Variants in CHL1 observed in about 807,000 individuals in gnomAD.
The protein encoded by CHL1 is neural cell adhesion molecule L1-like protein.
In CHL1, 96 loss-of-function variants were observed where a neutral mutation model predicts 141.9. The ratio of observed to expected loss-of-function variants is 0.68; its 90% confidence interval spans 0.57 to 0.80. CHL1 has a LOEUF of 0.80. CHL1 is among the 30% of genes least tolerant of loss of function. The pLI is 0.00. For missense variants in CHL1, 1,820 were observed against 1,457.2 expected (o/e 1.25, Z -4.05); for synonymous variants, 613 against 502.2 (o/e 1.22, Z -2.95).
chr3:286,712 T>C (rs1444236859), intron 2 of CHL1, among the ~76,000 whole-genome samples: 2 of 152,140 alleles, frequency 1.3e-5, no homozygotes, highest in African/African-American at 4.8e-5. Context: ...CTTATACTTA[T>C]TGTTACTTAT....
intron 1 of CHL1, among the ~76,000 whole-genome samples, chr3:229,194 T>A (rs1043084748): frequency 2.0e-5 from 3 of 152,244 alleles, no homozygotes; most frequent in African/African-American, 7.2e-5. Flanking sequence ...AATTATAATT[T>A]CTGCTAGCAT....
intron 1 of CHL1, among the ~76,000 whole-genome samples, chr3:207,936 TTC>T: frequency 6.6e-6 from 1 of 152,194 alleles, no homozygotes; most frequent in Non-Finnish European, 1.5e-5. Context: ...TCATGCACAC[TTC>T]TGAGTCAAGT....
intron 2 of CHL1, among the ~76,000 whole-genome samples, chr3:290,558 C>G: frequency 6.6e-6 from 1 of 152,094 alleles, no homozygotes; most frequent in East Asian, 1.9e-4. Flanking sequence ...ATGACAAATT[C>G]TAATTAGTCA....
chr3:341,442 T>G (rs1226218953), intron 6 of CHL1, among the ~76,000 whole-genome samples: 1 of 152,178 alleles, frequency 6.6e-6, no homozygotes, highest in Non-Finnish European at 1.5e-5. Context: ...TCAGTTCCCC[T>G]AGAACCTTCC....
rs1707186778 is a variant in CHL1 at position 382,658 on chromosome 3, A to G, written c.2163A>G (p.Glu721=). ...CTAGCCAGCCGTCAGACCATCATGA[A>G]ACACCACCAGCAGGTATGCAGGTTC... ...SQPSQPSDHH[E]TPPAAPDRNP... The change falls in exon 18 of 28, where the codon GAA becomes GAG. Residue 721 remains glutamate, a synonymous_variant. Transcript: ENST00000256509. 1 of 1,613,556 alleles carries G rather than the reference A, an allele frequency of 6.2e-7. No individual in the cohort carries two copies. The highest frequency in any genetic ancestry group is 1.1e-5 in the South Asian group (1 of 91,074).
In CHL1 at chr3:406,456, T is replaced by C. The variant is rs1709539461; in HGVS notation, c.*745T>C. On this transcript the variant is annotated 3_prime_UTR_variant, in exon 28 of 28. Coordinates refer to ENST00000256509, the MANE Select transcript of CHL1 (RefSeq NM_006614.4). ...CTGCATGGAAGCGGTGGTCAGAAGG[T>C]TGTTTTATACGAGAACAGGCAGAAA... 6.6e-6 allele frequency: 1 copy of C among 151,778 alleles called. No homozygotes were observed. Among genetic ancestry groups the C allele is most frequent in the African/African-American group, 2.4e-5 (1 of 41,324 alleles). 9.4% of individuals were successfully genotyped at this position (151,778 alleles called of 1,614,324 possible). A position where few individuals can be genotyped will look rare whatever the true frequency, so the allele number is the denominator to read the frequency against.
rs1708509960 is a variant in CHL1, at chr3:394,555, T to C, written c.2915-138T>C. ...AGTCATAGTAGTTGTATGTACCTCATAGGATTAAATGAGTTGATGGTTATG... is the reference window on the plus strand; with the variant it reads ...AGTCATAGTAGTTGTATGTACCTCACAGGATTAAATGAGTTGATGGTTATG... On this transcript the variant is annotated intron_variant, in intron 23 of 27. Transcript: ENST00000256509. 5 of 647,292 alleles carry C rather than the reference T, an allele frequency of 7.7e-6. No homozygotes were observed. The East Asian group carries it at 1.4e-4, about 18-fold the overall frequency. 40.1% of individuals were successfully genotyped at this position (647,292 alleles called of 1,614,324 possible). A position where few individuals can be genotyped will look rare whatever the true frequency, so the allele number is the denominator to read the frequency against.
chr3:231,575 CTTTTTTTTT>C (rs5845954), intron 1 of CHL1, among the ~76,000 whole-genome samples: 7 of 100,558 alleles, frequency 7.0e-5, no homozygotes, highest in Non-Finnish European at 1.2e-4. Context: ...TTATTTCTTC[CTTTTTTTTT>C]TTTTTTTTTT....
chr3:279,020 A>T (rs1236836087), intron 2 of CHL1, among the ~76,000 whole-genome samples: 1 of 152,172 alleles, frequency 6.6e-6, no homozygotes, highest in African/African-American at 2.4e-5. Flanking sequence ...TAGTATTCTA[A>T]TGGGGACGCA....
rs372305975 is a variant in CHL1 at position 219,419 on chromosome 3, A to C, written c.-175+22356A>C. 3.9e-5 allele frequency among the ~76,000 whole-genome samples: 6 copies of C among 152,286 alleles called. No individual in the cohort carries two copies. The East Asian group carries it at 9.6e-4, about 24-fold the overall frequency. ...CACTATTCACAATAGCAAAGACATA[A>C]AATCAACCTAAATGCCCATCAATGA... On this transcript the variant is annotated intron_variant, in intron 1 of 27. Transcript: ENST00000256509.
intron 9 of CHL1, among the ~76,000 whole-genome samples, chr3:348,610 G>T (rs976659686): frequency 6.6e-6 from 1 of 152,216 alleles, no homozygotes; most frequent in East Asian, 1.9e-4. Flanking sequence ...GGTGGGGAAA[G>T]TTATCATGCT....
intron 3 of CHL1, among the ~76,000 whole-genome samples, chr3:322,648 AT>A (rs1559252741): frequency 2.2e-5 from 1 of 45,520 alleles, no homozygotes; most frequent in East Asian, 5.8e-4. Flanking sequence ...TATATAAAAT[AT>A]ATATATATAT....
At chr3:292,092 G>T (rs560040922) in intron 2 of CHL1, among the ~76,000 whole-genome samples, 3 of 152,318 alleles carry the variant, frequency 2.0e-5, no homozygotes, top group South Asian at 2.1e-4. Flanking sequence ...CTTGTTCTTT[G>T]CTGCTCTGTA....
At chr3:249,068 A>C (rs1693442519) in intron 2 of CHL1, among the ~76,000 whole-genome samples, 2 of 152,214 alleles carry the variant, frequency 1.3e-5, no homozygotes, top group Non-Finnish European at 2.9e-5. Flanking sequence ...CATTGACACA[A>C]ATCACAGACA....
At chr3:312,358 G>A (rs570404364) in intron 2 of CHL1, among the ~76,000 whole-genome samples, 1 of 152,298 alleles carries the variant, frequency 6.6e-6, no homozygotes, top group East Asian at 1.9e-4. Context: ...GTGTTTGAAT[G>A]GATATGGCTA....
rs1358621152 is a variant in CHL1, at chr3:381,315, T to C, written c.1877-864T>C. On this transcript the variant is annotated intron_variant, in intron 16 of 27. Coordinates refer to ENST00000256509, the MANE Select transcript of CHL1 (RefSeq NM_006614.4). ...TGGGCCCAGAAAAGAAGGGTTTTTA[T>C]GGAACCAAACTGGGGTCCACCAACC... is the stretch of plus-strand genomic sequence containing the variant. Among the ~76,000 whole-genome samples the C allele has an allele frequency of 1.8e-4, 27 of 152,136 alleles. 1 individual carries two copies. The highest frequency in any genetic ancestry group is 1.8e-3 in the Admixed American group (27 of 15,260).
rs1178197923 is a variant in CHL1, at chr3:390,800, G to A, written c.2570G>A (p.Arg857His). 16 of 1,603,254 alleles carry A rather than the reference G, an allele frequency of 1.0e-5. No individual in the cohort carries two copies. Among genetic ancestry groups the A allele is most frequent in the Admixed American group, 1.7e-5 (1 of 59,978 alleles). ...GTTCCAAAGGACAGAGTACATGGAC[G>A]TCTGAAAGGCTATCAGGTTTTTATC... ...STVPKDRVHG[R>H]LKGYQINWWK... is the part of the protein sequence containing the mutation. The change falls in exon 21 of 28, where the codon CGT becomes CAT. Residue 857 changes from arginine (R) to histidine (H), a missense_variant. Coordinates refer to ENST00000256509, the MANE Select transcript of CHL1 (RefSeq NM_006614.4).
chr3:375,725 C>T (rs1706231169), intron 15 of CHL1, among the ~76,000 whole-genome samples: 1 of 152,068 alleles, frequency 6.6e-6, no homozygotes, highest in South Asian at 2.1e-4. Context: ...ATGTGCTTTA[C>T]CTCATTTAAT....
chr3:272,000 A>G (rs1321163016), intron 2 of CHL1, among the ~76,000 whole-genome samples: 4 of 152,244 alleles, frequency 2.6e-5, no homozygotes, highest in African/African-American at 9.6e-5. Context: ...GTAAAATCAT[A>G]TGGTAGACAT....
Sources: gnomAD v4.1 joint callset for allele counts (sites outside exome capture counted in the v4.1 genomes callset) on GRCh38, gnomAD v4.1.1 for gene constraint, MANE v1.5 for transcripts, NCBI Gene and HGNC (gene_info 2026-07-23, HGNC 2026-07-21) for gene names.